Variants in RNF220 observed in about 807,000 individuals in gnomAD.
The protein encoded by RNF220 is ring finger protein 220, also known as E3 ubiquitin-protein ligase RNF220.
In RNF220, 7 loss-of-function variants were observed where a neutral mutation model predicts 67.1. The ratio of observed to expected loss-of-function variants is 0.10; its 90% CI spans 0.06 to 0.20. The LOEUF (loss-of-function observed/expected upper bound fraction) is 0.20. Among genes scored for constraint, RNF220 ranks in the 10% least tolerant of loss-of-function variants. RNF220 has a pLI of 1.00. For missense variants in RNF220, 565 were observed against 740.3 expected (o/e 0.76, Z 2.75); for synonymous variants, 270 against 283.2 (o/e 0.95, Z 0.47).
At chr1:44,608,810 T>A (rs1218573072) in intron 2 of RNF220, among the ~76,000 whole-genome samples, 1 of 151,696 alleles carries the variant, frequency 6.6e-6, no homozygotes, top group East Asian at 1.9e-4. Context: ...ACCTACTGAG[T>A]GGTAAAAGAT....
At chr1:44,430,834 C>T (rs1430969707) in intron 2 of RNF220, among the ~76,000 whole-genome samples, 3 of 152,186 alleles carry the variant, frequency 2.0e-5, no homozygotes, top group Non-Finnish European at 4.4e-5. Flanking sequence ...CGTGAGCCAC[C>T]ACGCCCAGCC....
chr1:44,622,714 G>A lies in RNF220; in HGVS notation c.759-28G>A. The A allele has an allele frequency of 6.2e-7, 1 of 1,611,346 alleles. No homozygotes were observed. The highest frequency in any genetic ancestry group is 8.5e-7 in the Non-Finnish European group (1 of 1,177,582). On this transcript the variant is annotated intron_variant, in intron 3 of 14. Coordinates refer to ENST00000361799, the MANE Select transcript of RNF220 (RefSeq NM_018150.4). This position sits in a 1 kb window ranked among gnomAD's most constrained non-coding sequence, Gnocchi z 4.3. ...CATGCCCTGGGCAGCAGGTAGAATG[G>A]TTACCCTGTTCTCTTCTTTCTTGGC...
chr1:44,514,239 G>A (rs1173766576), intron 2 of RNF220, among the ~76,000 whole-genome samples: 1 of 152,194 alleles, frequency 6.6e-6, no homozygotes, highest in Non-Finnish European at 1.5e-5. Flanking sequence ...TAGCAGGCTT[G>A]CAGGATTTGT....
At chr1:44,514,922 T>C (rs1362398011) in intron 2 of RNF220, among the ~76,000 whole-genome samples, 1 of 152,034 alleles carries the variant, frequency 6.6e-6, no homozygotes, top group Non-Finnish European at 1.5e-5. Context: ...AGGTAGAGTT[T>C]AAAGTCAAGA....
intron 2 of RNF220, among the ~76,000 whole-genome samples, chr1:44,428,308 A>G (rs748372655): frequency 1.3e-5 from 2 of 152,142 alleles, no homozygotes; most frequent in Non-Finnish European, 1.5e-5. Context: ...TGGACCATTT[A>G]CTGTTCACCA....
chr1:44,546,287 C>T (rs1437867358), intron 2 of RNF220, among the ~76,000 whole-genome samples: 1 of 152,062 alleles, frequency 6.6e-6, no homozygotes, highest in African/African-American at 2.4e-5. Context: ...AGGCCCAGAG[C>T]CATGGCTCAG....
intron 2 of RNF220, among the ~76,000 whole-genome samples, chr1:44,486,578 A>G (rs887110158): frequency 5.3e-5 from 8 of 152,204 alleles, no homozygotes; most frequent in Non-Finnish European, 1.2e-4. Flanking sequence ...TTTTATCAAA[A>G]TGGTTGGTTA....
intron 2 of RNF220, among the ~76,000 whole-genome samples, chr1:44,475,439 G>A (rs927176734): frequency 3.3e-5 from 5 of 151,526 alleles, no homozygotes; most frequent in Non-Finnish European, 5.9e-5. Flanking sequence ...GCATGGTGGC[G>A]CATGCCTGTA....
chr1:44,474,993 T>A (rs1055130061), intron 2 of RNF220, among the ~76,000 whole-genome samples: 2 of 152,130 alleles, frequency 1.3e-5, no homozygotes, highest in Non-Finnish European at 2.9e-5. Context: ...TTGGAGAATT[T>A]TTTTTTTCTA....
chr1:44,649,542 C>T lies in RNF220; in HGVS notation c.1446-119C>T. ...GATTCAGGTTATCAGAGAAAGGGGG[C>T]AGGCAGGGATGCCTAGGGGACATTT... On this transcript the variant is annotated intron_variant, in intron 12 of 14. Transcript: ENST00000361799. This position sits in a 1 kb window ranked among gnomAD's most constrained non-coding sequence, Gnocchi z 5.9. 1.2e-6 allele frequency: 1 copy of T among 862,144 alleles called. No homozygotes were observed. Among genetic ancestry groups the T allele is most frequent in the Non-Finnish European group, 1.9e-6 (1 of 528,392 alleles). The allele number at this position is 862,144 out of a possible 1,614,324, so 53.4% of individuals were successfully genotyped here. A position where few individuals can be genotyped will look rare whatever the true frequency, so the allele number is the denominator to read the frequency against.
intron 2 of RNF220, among the ~76,000 whole-genome samples, chr1:44,591,801 G>T (rs951270671): frequency 2.6e-5 from 4 of 151,970 alleles, no homozygotes; most frequent in Admixed American, 2.6e-4. Flanking sequence ...TACTAGTCCT[G>T]CTGGGCTGCC....
intron 2 of RNF220, among the ~76,000 whole-genome samples, chr1:44,531,790 A>G (rs1660854337): frequency 2.0e-5 from 3 of 152,034 alleles, no homozygotes; most frequent in South Asian, 4.1e-4. Flanking sequence ...CTGCTTGAAT[A>G]CCTCTTATGA....
chr1:44,577,368 C>T (rs1042712648), intron 2 of RNF220, among the ~76,000 whole-genome samples: 2 of 148,222 alleles, frequency 1.3e-5, no homozygotes, highest in Non-Finnish European at 2.9e-5. Flanking sequence ...CTCCCAGCTT[C>T]TCCCTTCTCC....
At chr1:44,584,646 A>C (rs1269301213) in intron 2 of RNF220, among the ~76,000 whole-genome samples, 1 of 152,134 alleles carries the variant, frequency 6.6e-6, no homozygotes, top group African/African-American at 2.4e-5. Flanking sequence ...ATTGCTCCCC[A>C]AGCTTGTCTT....
rs117987642 is a variant in RNF220, at chr1:44,565,133, G to A, written c.626-49032G>A. On this transcript the variant is annotated intron_variant, in intron 2 of 14. Transcript: ENST00000361799. The surrounding 1 kb of genome is among the most constrained non-coding windows in gnomAD (Gnocchi z 4.2). ...GTCAGCACTCCGTGAATAAATGAAT[G>A]AGTGAGTGAACAAACTGATCAACCA... Among the ~76,000 whole-genome samples, 159 of 152,352 alleles carry A rather than the reference G, an allele frequency of 1.0e-3. 4 individuals carry two copies. The East Asian group carries it at 0.029, about 28-fold the overall frequency.
chr1:44,475,438 C>G (rs762209622), intron 2 of RNF220, among the ~76,000 whole-genome samples: 1 of 151,626 alleles, frequency 6.6e-6, no homozygotes, highest in South Asian at 2.1e-4. Flanking sequence ...GGCATGGTGG[C>G]GCATGCCTGT....
chr1:44,559,432 T>G (rs1318910050), intron 2 of RNF220, among the ~76,000 whole-genome samples: 1 of 152,240 alleles, frequency 6.6e-6, no homozygotes, highest in Non-Finnish European at 1.5e-5. Context: ...AAACCCGCAA[T>G]GAAGTCAGCA....
intron 2 of RNF220, among the ~76,000 whole-genome samples, chr1:44,562,664 G>A (rs1054187911): frequency 1.2e-4 from 19 of 152,150 alleles, no homozygotes; most frequent in Non-Finnish European, 2.5e-4. Flanking sequence ...GTTGGTGCCT[G>A]GAGGAAATTG....
At chr1:44,574,133 GTGAATGAACGAATGAA>G (rs1376369770) in intron 2 of RNF220, among the ~76,000 whole-genome samples, 5 of 152,100 alleles carry the variant, frequency 3.3e-5, no homozygotes, top group Admixed American at 6.5e-5. Context: ...GGATGGATGA[GTGAATGAACGAATGAA>G]TGAATGAACG....
Sources: allele counts gnomAD v4.1 joint callset (sites outside exome capture counted in the v4.1 genomes callset), GRCh38; gene constraint gnomAD v4.1.1; non-coding constraint Gnocchi (gnomAD v3.1); transcripts MANE v1.5; gene names NCBI Gene and HGNC (gene_info 2026-07-23, HGNC 2026-07-21).